Variants in SDK1 observed in about 807,000 individuals in gnomAD.
SDK1 encodes the protein sidekick cell adhesion molecule 1.
Under a neutral mutation model 245.5 loss-of-function variants are expected in SDK1, and 157 were observed. That is an observed-to-expected ratio of 0.64 (90% CI 0.56 to 0.73). The LOEUF (loss-of-function observed/expected upper bound fraction) is 0.73, where lower values mean the gene tolerates loss of function less well. Among genes scored for constraint, SDK1 ranks in the 30% least tolerant of loss-of-function variants. SDK1 has a pLI of 0.00. For synonymous variants in SDK1, 1,647 were observed against 1,278.5 expected, an observed-to-expected ratio of 1.29 and a Z score of -6.15; for missense variants, 3,583 against 3,002.3, an observed-to-expected ratio of 1.19 and a Z score of -4.52.
chr7:3,872,488 TC>T (rs2115135515), intron 5 of SDK1, among the ~76,000 whole-genome samples: 1 of 149,216 alleles, frequency 6.7e-6, no homozygotes, highest in African/African-American at 2.5e-5. Context: ...TTGTTTTTCT[TC>T]TTAAGTGAGT....
At chr7:3,514,256 A>G (rs1355652065) in intron 1 of SDK1, among the ~76,000 whole-genome samples, 1 of 152,190 alleles carries the variant, frequency 6.6e-6, no homozygotes, top group African/African-American at 2.4e-5. Flanking sequence ...GCATTTTAGA[A>G]GTAGACTATG....
intron 5 of SDK1, among the ~76,000 whole-genome samples, chr7:3,863,011 G>A (rs908624109): frequency 7.9e-5 from 12 of 152,256 alleles, no homozygotes; most frequent in African/African-American, 2.6e-4. Flanking sequence ...CCAGCAGCTC[G>A]CCTCCTGCTG....
At chr7:3,595,856 A>C (rs1239526467) in intron 1 of SDK1, among the ~76,000 whole-genome samples, 3 of 101,274 alleles carry the variant, frequency 3.0e-5, no homozygotes, top group Non-Finnish European at 6.2e-5. Context: ...AAAAAAAAAA[A>C]CAACAACAAA....
chr7:3,728,034 T>C (rs1779061020), intron 4 of SDK1, among the ~76,000 whole-genome samples: 1 of 152,174 alleles, frequency 6.6e-6, no homozygotes, highest in South Asian at 2.1e-4. Flanking sequence ...TATTTTGTAA[T>C]ATGTTCTTCA....
At chr7:3,755,770 A>T (rs764440953) in intron 4 of SDK1, among the ~76,000 whole-genome samples, 1 of 151,990 alleles carries the variant, frequency 6.6e-6, no homozygotes, top group Non-Finnish European at 1.5e-5. Flanking sequence ...TGCAGTATGG[A>T]GCTTTTTGAA....
intron 1 of SDK1, among the ~76,000 whole-genome samples, chr7:3,477,189 CTTTTT>C (rs35328849): frequency 1.3e-5 from 1 of 78,626 alleles, no homozygotes; most frequent in Non-Finnish European, 2.3e-5. Context: ...TGGTTTTCTC[CTTTTT>C]TTTTTTTTTT....
chr7:4,094,139 C>G (rs1323392938), intron 22 of SDK1, among the ~76,000 whole-genome samples: 4 of 152,130 alleles, frequency 2.6e-5, no homozygotes, highest in Admixed American at 1.3e-4. Context: ...TCACTGCAAC[C>G]TCCGCCTTGT....
rs1554307151 is a variant in SDK1, at chr7:3,672,796, A to ATATATATATATATATATATAT, written c.713+30691_713+30692insTATATATATATATATATATAT. Among the ~76,000 whole-genome samples the ATATATATATATATATATATAT allele has an allele frequency of 6.7e-4, 36 of 53,362 alleles. 2 individuals are homozygous for ATATATATATATATATATATAT. The highest frequency in any genetic ancestry group is 9.6e-4 in the Non-Finnish European group (28 of 29,240). The allele number at this position is 53,362 out of a possible 152,430, so 35.0% of individuals were successfully genotyped here. On this transcript the variant is annotated intron_variant, in intron 4 of 44. Transcript: ENST00000404826. ...ATATATATATATATATATATATATAAAAAATACAGAAAGCTCTAAGTATGC... is the reference window on the plus strand; with the variant it reads ...ATATATATATATATATATATATATAATATATATATATATATATATATAAAATACAGAAAGCTCTAAGTATGC...
At chr7:3,419,377 TG>T (rs756547055) in intron 1 of SDK1, among the ~76,000 whole-genome samples, 4 of 152,188 alleles carry the variant, frequency 2.6e-5, no homozygotes, top group Non-Finnish European at 5.9e-5. Context: ...TGTTCCCTCT[TG>T]TGCCTCTGCC....
chr7:3,639,700 C>T (rs1003639898), intron 3 of SDK1, among the ~76,000 whole-genome samples: 5 of 151,984 alleles, frequency 3.3e-5, no homozygotes, highest in African/African-American at 4.8e-5. Flanking sequence ...AACAGGAGAG[C>T]GAACTTGGCC....
intron 4 of SDK1, among the ~76,000 whole-genome samples, chr7:3,665,627 G>A (rs1340898979): frequency 6.6e-6 from 1 of 151,868 alleles, no homozygotes; most frequent in Non-Finnish European, 1.5e-5. Flanking sequence ...TTTTGCATGG[G>A]GAGGGAGTGC....
intron 22 of SDK1, among the ~76,000 whole-genome samples, chr7:4,106,710 C>G (rs1475449534): frequency 6.6e-6 from 1 of 152,182 alleles, no homozygotes; most frequent in Admixed American, 6.5e-5. Flanking sequence ...TGCTTTCCCC[C>G]ACTCTCCTGC....
intron 1 of SDK1, among the ~76,000 whole-genome samples, chr7:3,583,491 C>G (rs1459669143): frequency 2.6e-5 from 4 of 152,118 alleles, no homozygotes; most frequent in African/African-American, 9.7e-5. Flanking sequence ...CATTGGAATC[C>G]ACATCTGTAT....
intron 1 of SDK1, among the ~76,000 whole-genome samples, chr7:3,429,047 C>G (rs1779755153): frequency 6.6e-6 from 1 of 152,054 alleles, no homozygotes; most frequent in Admixed American, 6.6e-5. Flanking sequence ...ATTCATCTGG[C>G]CGGCTGGTAG....
chr7:3,687,301 G>T (rs1435025511), intron 4 of SDK1, among the ~76,000 whole-genome samples: 2 of 151,514 alleles, frequency 1.3e-5, no homozygotes, highest in African/African-American at 4.9e-5. Context: ...GCTAATTTTT[G>T]TATTTTTAGG....
At chr7:3,717,704 G>T (rs1426147932) in intron 4 of SDK1, among the ~76,000 whole-genome samples, 1 of 152,122 alleles carries the variant, frequency 6.6e-6, no homozygotes, top group African/African-American at 2.4e-5. Flanking sequence ...ACTACAAAGT[G>T]CCAAAAACTC....
chr7:4,104,670 A>G (rs919981272), intron 22 of SDK1, among the ~76,000 whole-genome samples: 2 of 152,122 alleles, frequency 1.3e-5, no homozygotes, highest in Admixed American at 6.6e-5. Context: ...GACACACACT[A>G]TATATTTGTA....
At chr7:3,594,554 C>T (rs554472408) in intron 1 of SDK1, among the ~76,000 whole-genome samples, 1 of 152,126 alleles carries the variant, frequency 6.6e-6, no homozygotes, top group African/African-American at 2.4e-5. Context: ...ACATTGCCGC[C>T]GGTCATGTAT....
intron 4 of SDK1, among the ~76,000 whole-genome samples, chr7:3,765,523 G>T (rs1372519947): frequency 6.6e-6 from 1 of 152,094 alleles, no homozygotes; most frequent in Admixed American, 6.5e-5. Flanking sequence ...TCCTTTTAAC[G>T]CTAGTTCTCG....
Sources: allele counts gnomAD v4.1 joint callset (sites outside exome capture counted in the v4.1 genomes callset), GRCh38; gene constraint gnomAD v4.1.1; transcripts MANE v1.5; gene names NCBI Gene and HGNC (gene_info 2026-07-23, HGNC 2026-07-21).